Variants in UNC5D observed in about 807,000 individuals in gnomAD.
The protein encoded by UNC5D is netrin receptor UNC5D.
UNC5D carries 39 observed loss-of-function variants against 105.4 expected under a neutral mutation model. The observed-to-expected ratio is 0.37, with a 90% confidence interval of 0.29 to 0.48. The LOEUF (loss-of-function observed/expected upper bound fraction) is 0.48. UNC5D is among the 20% of genes least tolerant of loss of function. The pLI is 0.98. For synonymous variants in UNC5D, 452 were observed against 450.4 expected (o/e 1.00, Z -0.04); for missense variants, 991 against 1,202.4 (o/e 0.82, Z 2.60).
At chr8:35,408,551 T>C (rs540455036) in intron 1 of UNC5D, among the ~76,000 whole-genome samples, 5 of 151,562 alleles carry the variant, frequency 3.3e-5, no homozygotes, top group African/African-American at 1.2e-4. Context: ...TGTTTTCTGC[T>C]GACGTTTCGC....
At chr8:35,365,760 T>G (rs1585677377) in intron 1 of UNC5D, among the ~76,000 whole-genome samples, 1 of 152,070 alleles carries the variant, frequency 6.6e-6, no homozygotes, top group Admixed American at 6.6e-5. Context: ...ATCCTGGTAT[T>G]AAATAAAATA....
rs1309566709 is a variant in UNC5D, at chr8:35,793,276, G to A, written c.*2713G>A. ...TTACAGACCAAGGTGTGGTGGAGGA[G>A]GTAGAATTGCAGATCAGATAAAAAG... On this transcript the variant is annotated 3_prime_UTR_variant, in exon 17 of 17. Transcript: ENST00000404895. 1.8e-5 allele frequency: 7 copies of A among 390,308 alleles called. No individual in the cohort carries two copies. The highest frequency in any genetic ancestry group is 3.6e-5 in the Non-Finnish European group (7 of 196,024). The allele number at this position is 390,308 out of a possible 1,614,324, so 24.2% of individuals were successfully genotyped here.
chr8:35,657,118 A>G (rs1257984815), intron 4 of UNC5D, among the ~76,000 whole-genome samples: 3 of 122,908 alleles, frequency 2.4e-5, no homozygotes, highest in African/African-American at 6.5e-5. Flanking sequence ...ATATATATAT[A>G]TATATGCCAG....
At chr8:35,235,933 C>T (rs1802426346) in intron 1 of UNC5D, 46 bp downstream of exon 1, 10 of 1,218,912 alleles carry the variant, frequency 8.2e-6, no homozygotes, top group Middle Eastern at 6.3e-4. Context: ...GGCGCAGGGG[C>T]GCCAGCCTGA....
At chr8:35,285,810 A>G (rs1347941224) in intron 1 of UNC5D, among the ~76,000 whole-genome samples, 1 of 152,146 alleles carries the variant, frequency 6.6e-6, no homozygotes, top group Non-Finnish European at 1.5e-5. Flanking sequence ...GAATCTGACA[A>G]TGAGGCTATC....
chr8:35,305,589 C>T lies in UNC5D; in HGVS notation c.103+69702C>T, dbSNP rs991649219. Among the ~76,000 whole-genome samples, 141 of 61,676 alleles carry T rather than the reference C, an allele frequency of 2.3e-3. 2 individuals carry two copies. The highest frequency in any genetic ancestry group is 5.1e-3 in the Admixed American group (34 of 6,708). 40.5% of individuals were successfully genotyped at this position (61,676 alleles called of 152,430 possible). A position where few individuals can be genotyped will look rare whatever the true frequency, so the allele number is the denominator to read the frequency against. The stretch of plus-strand genomic sequence containing the variant: ...TTTCTTTCTTTCTTTTTCTTTCTTT[C>T]TTTCTTTCTTTCTTTCTTTCTTTCT... On this transcript the variant is annotated intron_variant, in intron 1 of 16. Transcript: ENST00000404895.
chr8:35,439,823 T>C (rs934072895), intron 1 of UNC5D, among the ~76,000 whole-genome samples: 7 of 152,054 alleles, frequency 4.6e-5, no homozygotes, highest in African/African-American at 1.4e-4. Context: ...CTTCTAAATA[T>C]GAAAAGCACA....
intron 1 of UNC5D, among the ~76,000 whole-genome samples, chr8:35,338,601 G>A (rs771652151): frequency 2.0e-5 from 3 of 152,116 alleles, no homozygotes; most frequent in African/African-American, 4.8e-5. Context: ...TGCAGGACTG[G>A]CATCTGGCCA....
intron 1 of UNC5D, among the ~76,000 whole-genome samples, chr8:35,322,277 T>A (rs1809807166): frequency 1.3e-5 from 2 of 152,158 alleles, no homozygotes; most frequent in South Asian, 4.1e-4. Context: ...ATTCCAAACA[T>A]TTCATGGTTC....
chr8:35,406,469 T>A (rs1804807709), intron 1 of UNC5D, among the ~76,000 whole-genome samples: 1 of 152,196 alleles, frequency 6.6e-6, no homozygotes, highest in Admixed American at 6.5e-5. Flanking sequence ...GCTACCTTAA[T>A]TTTCCAAGAT....
chr8:35,410,852 A>AT (rs1805118842), intron 1 of UNC5D, among the ~76,000 whole-genome samples: 1 of 151,962 alleles, frequency 6.6e-6, no homozygotes, highest in South Asian at 2.1e-4. Flanking sequence ...GTCTTTTCAC[A>AT]TTTTTTCTCA....
chr8:35,623,065 T>A (rs1316368148), intron 4 of UNC5D, among the ~76,000 whole-genome samples: 1 of 152,162 alleles, frequency 6.6e-6, no homozygotes, highest in African/African-American at 2.4e-5. Context: ...ACGTCTAGAA[T>A]CAATATGACT....
At chr8:35,626,187 C>T (rs961971044) in intron 4 of UNC5D, among the ~76,000 whole-genome samples, 2 of 150,962 alleles carry the variant, frequency 1.3e-5, no homozygotes, top group Non-Finnish European at 2.9e-5. Context: ...CCTGGGGCCA[C>T]TCAGACTTTT....
intron 1 of UNC5D, among the ~76,000 whole-genome samples, chr8:35,264,868 G>A (rs1289382976): frequency 2.0e-5 from 3 of 152,180 alleles, no homozygotes; most frequent in Admixed American, 6.5e-5. Context: ...GTAGAGTGGA[G>A]TTTGCACAGC....
chr8:35,431,176 A>T (rs1339688486), intron 1 of UNC5D, among the ~76,000 whole-genome samples: 1 of 152,198 alleles, frequency 6.6e-6, no homozygotes, highest in Non-Finnish European at 1.5e-5. Flanking sequence ...AAAAATGGGT[A>T]AATACTTGTT....
intron 1 of UNC5D, among the ~76,000 whole-genome samples, chr8:35,359,900 TG>T: frequency 6.6e-6 from 1 of 152,284 alleles, no homozygotes. Flanking sequence ...TGAACTTTAA[TG>T]CAGTGAGCCA....
rs190837290 is a variant in UNC5D, at chr8:35,751,219, G to A, written c.2163+410G>A. Reference sequence around the variant, plus strand: ...GTTCCTGGGTCGGGGCCACAAGATAGATGAGCCAGTTTATTCAACAGGGTG... The same window carrying A: ...GTTCCTGGGTCGGGGCCACAAGATAAATGAGCCAGTTTATTCAACAGGGTG... On this transcript the variant is annotated intron_variant, in intron 13 of 16. Transcript: ENST00000404895. 3.9e-3 allele frequency among the ~76,000 whole-genome samples: 593 copies of A among 152,286 alleles called. 4 individuals are homozygous for A. Among genetic ancestry groups the A allele is most frequent in the East Asian group, 3.9e-3 (20 of 5,162 alleles).
chr8:35,461,127 G>A (rs1808857761), intron 1 of UNC5D, among the ~76,000 whole-genome samples: 1 of 152,178 alleles, frequency 6.6e-6, no homozygotes, highest in Non-Finnish European at 1.5e-5. Flanking sequence ...CTCCAATATT[G>A]CTGATGCGGG....
At chr8:35,477,130 T>C (rs1810158501) in intron 1 of UNC5D, among the ~76,000 whole-genome samples, 1 of 152,206 alleles carries the variant, frequency 6.6e-6, no homozygotes, top group South Asian at 2.1e-4. Context: ...GTAATTTTCT[T>C]TGTGCTTTAA....
Sources: gnomAD v4.1 joint callset for allele counts (sites outside exome capture counted in the v4.1 genomes callset) on GRCh38, gnomAD v4.1.1 for gene constraint, MANE v1.5 for transcripts, NCBI Gene and HGNC (gene_info 2026-07-23, HGNC 2026-07-21) for gene names.